PDE1C: variants seen among roughly 807,000 people sequenced by gnomAD.
PDE1C encodes the protein dual specificity calcium/calmodulin-dependent 3',5'-cyclic nucleotide phosphodiesterase 1C.
PDE1C carries 62 observed loss-of-function variants against 93.1 expected under a neutral mutation model. That is an observed-to-expected ratio of 0.67 (90% CI 0.54 to 0.82). The LOEUF (loss-of-function observed/expected upper bound fraction) is 0.82. Ranked by LOEUF, PDE1C falls within the 40% of genes least tolerant of loss-of-function variation. The pLI is 0.00. For missense variants in PDE1C, 742 were observed against 884.6 expected (o/e 0.84, Z 2.04); for synonymous variants, 325 against 310.1 (o/e 1.05, Z -0.50).
At chr7:31,804,373 G>C (rs1786506836) in intron 16 of PDE1C, among the ~76,000 whole-genome samples, 1 of 151,770 alleles carries the variant, frequency 6.6e-6, no homozygotes, top group Non-Finnish European at 1.5e-5. Flanking sequence ...GTGAGCATCA[G>C]GACTGTTCCC....
Position 32,009,304 on chromosome 7 carries a change from T to C in PDE1C, c.128+42250A>G, listed in dbSNP as rs1021691401. On this transcript the variant is annotated intron_variant, in intron 2 of 17. Coordinates refer to ENST00000396191, the MANE Select transcript of PDE1C (RefSeq NM_001191057.4). Reference sequence around the variant, plus strand: ...GAACTCTCTGAGTCAGGAGATGGAGTTGGGGTTCCAGGAAGACCAAGGAAG... The same window carrying C: ...GAACTCTCTGAGTCAGGAGATGGAGCTGGGGTTCCAGGAAGACCAAGGAAG... Among the ~76,000 whole-genome samples the C allele has an allele frequency of 1.3e-5, 2 of 151,896 alleles. 1 individual carries two copies. The highest frequency in any genetic ancestry group is 4.2e-4 in the South Asian group (2 of 4,796).
chr7:31,628,369 C>A, the PDE1C span, among the ~76,000 whole-genome samples: 1 of 152,008 alleles, frequency 6.6e-6, no homozygotes, highest in African/African-American at 2.4e-5. Flanking sequence ...CCTGAGAATG[C>A]CTTCTGACTC....
intron 1 of PDE1C, among the ~76,000 whole-genome samples, chr7:32,295,618 G>A (rs370711226): frequency 1.2e-4 from 19 of 152,264 alleles, no homozygotes; most frequent in South Asian, 4.2e-4. Flanking sequence ...TGGGTCAGGC[G>A]CAGTGGCTCA....
At chr7:32,327,612 C>G (rs926833382) in intron 1 of PDE1C, among the ~76,000 whole-genome samples, 2 of 151,966 alleles carry the variant, frequency 1.3e-5, no homozygotes, top group African/African-American at 4.8e-5. Context: ...ACTAAAAATA[C>G]AAAAATTAGC....
intron 7 of PDE1C, among the ~76,000 whole-genome samples, chr7:31,855,864 G>C (rs2128813078): frequency 6.8e-6 from 1 of 148,132 alleles, no homozygotes; most frequent in Non-Finnish European, 1.5e-5. Flanking sequence ...AAATGGCCAA[G>C]GGATAGCTTT....
At chr7:31,707,268 C>T in the PDE1C span, 1 of 1,613,700 alleles carries the variant, frequency 6.2e-7, no homozygotes, top group Non-Finnish European at 8.5e-7. Context: ...AGGATGGTGA[C>T]AAGATAGCTA....
Position 32,295,658 on chromosome 7 carries a change from G to A in PDE1C, c.85+2993C>T, listed in dbSNP as rs370378117. Reference sequence around the variant, plus strand: ...TGTAATCCCAACACTTTGGGAGACCGAGGTGGGTGGATCATGAGGTCAGGA... The same window carrying A: ...TGTAATCCCAACACTTTGGGAGACCAAGGTGGGTGGATCATGAGGTCAGGA... On this transcript the variant is annotated intron_variant, in intron 1 of 18. Coordinates refer to the PDE1C transcript ENST00000396193. 3.3e-5 allele frequency among the ~76,000 whole-genome samples: 5 copies of A among 152,270 alleles called. No individual in the cohort carries two copies. In the South Asian group the frequency reaches 6.2e-4, roughly 19 times the overall value.
At chr7:32,040,244 C>T (rs1022267199) in intron 2 of PDE1C, among the ~76,000 whole-genome samples, 1 of 152,256 alleles carries the variant, frequency 6.6e-6, no homozygotes, top group East Asian at 1.9e-4. Context: ...TCTCTTTTAA[C>T]CCTTACAACA....
intron 2 of PDE1C, among the ~76,000 whole-genome samples, chr7:32,036,215 A>G (rs1192910876): frequency 2.0e-5 from 3 of 152,150 alleles, no homozygotes; most frequent in Non-Finnish European, 4.4e-5. Flanking sequence ...CATCTAAACT[A>G]CCAGGTCAGC....
intron 1 of PDE1C, among the ~76,000 whole-genome samples, chr7:32,263,195 A>C (rs1810337318): frequency 6.6e-6 from 1 of 152,176 alleles, no homozygotes; most frequent in Admixed American, 6.5e-5. Flanking sequence ...CTTTTTTGGA[A>C]GTAATTTCTA....
chr7:32,044,957 T>TA (rs1341095440), intron 2 of PDE1C, among the ~76,000 whole-genome samples: 2 of 152,062 alleles, frequency 1.3e-5, no homozygotes, highest in African/African-American at 2.4e-5. Context: ...CTATTATACT[T>TA]ACTACATCTC....
chr7:31,919,591 A>C (rs926567666), intron 2 of PDE1C, among the ~76,000 whole-genome samples: 10 of 152,180 alleles, frequency 6.6e-5, no homozygotes, highest in Admixed American at 4.6e-4. Flanking sequence ...ACTAGAACTT[A>C]ACCTGTATTA....
At chr7:31,978,149 A>C (rs1469476327) in intron 2 of PDE1C, among the ~76,000 whole-genome samples, 2 of 152,202 alleles carry the variant, frequency 1.3e-5, no homozygotes, top group African/African-American at 4.8e-5. Context: ...CTTCTGAAAA[A>C]GGTATCTGAC....
intron 2 of PDE1C, among the ~76,000 whole-genome samples, chr7:32,015,424 T>G (rs183986492): frequency 6.6e-6 from 1 of 152,280 alleles, no homozygotes; most frequent in African/African-American, 2.4e-5. Context: ...TGATGCTTTA[T>G]TTCCCTGTCA....
intron 1 of PDE1C, among the ~76,000 whole-genome samples, chr7:32,240,724 G>A (rs1808486225): frequency 6.6e-6 from 1 of 152,200 alleles, no homozygotes; most frequent in Non-Finnish European, 1.5e-5. Context: ...CCACCAGGGG[G>A]TTTGGAGCAG....
chr7:31,886,847 ATCTT>A (rs1371103805), intron 2 of PDE1C, among the ~76,000 whole-genome samples: 33 of 152,196 alleles, frequency 2.2e-4, no homozygotes, highest in African/African-American at 7.2e-4. Flanking sequence ...ATCTTTTCGG[ATCTT>A]TTCAGAATAG....
the PDE1C span, chr7:31,656,350 G>A: frequency 3.6e-6 from 1 of 275,690 alleles, no homozygotes; most frequent in East Asian, 1.8e-4. Context: ...CTGTAAAATA[G>A]GGAGAAGAAA....
the PDE1C span, among the ~76,000 whole-genome samples, chr7:31,717,189 A>C: frequency 6.6e-6 from 1 of 152,248 alleles, no homozygotes; most frequent in East Asian, 1.9e-4. Context: ...CAATGCCTCT[A>C]AAATTTTAAA....
chr7:32,013,238 C>G (rs1201768608), intron 2 of PDE1C, among the ~76,000 whole-genome samples: 1 of 152,146 alleles, frequency 6.6e-6, no homozygotes, highest in Non-Finnish European at 1.5e-5. Context: ...ATGATCTCCC[C>G]TACTAGAAAC....
Sources: allele counts gnomAD v4.1 joint callset (sites outside exome capture counted in the v4.1 genomes callset), GRCh38; gene constraint gnomAD v4.1.1; transcripts MANE v1.5; gene names NCBI Gene and HGNC (gene_info 2026-07-23, HGNC 2026-07-21).